Variants in CNTN5 observed in about 807,000 individuals in gnomAD.
CNTN5 encodes contactin 5.
Under a neutral mutation model 129.1 loss-of-function variants are expected in CNTN5, and 77 were observed. The observed-to-expected ratio is 0.60, with a 90% CI of 0.50 to 0.72. CNTN5 has a LOEUF of 0.72. Ranked by LOEUF, CNTN5 falls within the 30% of genes least tolerant of loss-of-function variation. The pLI, the probability that CNTN5 is intolerant of heterozygous loss-of-function variation, is 0.00. For missense variants in CNTN5, 1,478 were observed against 1,328.8 expected (o/e 1.11, Z -1.75); for synonymous variants, 509 against 465.6 (o/e 1.09, Z -1.20).
intron 9 of CNTN5, among the ~76,000 whole-genome samples, chr11:100,021,015 A>C (rs1450204027): frequency 6.6e-6 from 1 of 152,160 alleles, no homozygotes; most frequent in African/African-American, 2.4e-5. Context: ...TTACGAATTC[A>C]ATGCAGTCCC....
chr11:99,423,745 G>A (rs190188910), intron 2 of CNTN5, among the ~76,000 whole-genome samples: 71 of 152,120 alleles, frequency 4.7e-4, no homozygotes, highest in South Asian at 3.9e-3. Flanking sequence ...TTCACAACAG[G>A]TTCCCTGGTG....
intron 6 of CNTN5, among the ~76,000 whole-genome samples, chr11:99,909,967 TAAA>T (rs77199469): frequency 3.3e-5 from 5 of 151,800 alleles, no homozygotes; most frequent in Non-Finnish European, 5.9e-5. Context: ...ATAATAATAA[TAAA>T]AAAAGAATTG....
chr11:99,449,030 G>T (rs969564390), intron 2 of CNTN5, among the ~76,000 whole-genome samples: 1 of 151,970 alleles, frequency 6.6e-6, no homozygotes, highest in Non-Finnish European at 1.5e-5. Flanking sequence ...CGATTCGCCT[G>T]TCTTGGTCTC....
chr11:99,499,786 A>G (rs1946360060), intron 2 of CNTN5, among the ~76,000 whole-genome samples: 3 of 152,210 alleles, frequency 2.0e-5, no homozygotes, highest in Non-Finnish European at 4.4e-5. Flanking sequence ...TCAATTGAAC[A>G]GTTATATTTT....
intron 6 of CNTN5, among the ~76,000 whole-genome samples, chr11:99,848,872 A>T (rs1947785327): frequency 1.3e-5 from 2 of 152,142 alleles, no homozygotes; most frequent in Non-Finnish European, 2.9e-5. Flanking sequence ...ATGAGTTTTG[A>T]TTGCCTCTTT....
intron 3 of CNTN5, among the ~76,000 whole-genome samples, chr11:99,776,368 T>C (rs1945124177): frequency 6.6e-6 from 1 of 151,982 alleles, no homozygotes; most frequent in Non-Finnish European, 1.5e-5. Flanking sequence ...ATTTCAAAAT[T>C]AATACCCAAT....
chr11:100,018,328 A>C (rs12804936), intron 9 of CNTN5, among the ~76,000 whole-genome samples: 13,127 of 151,768 alleles, frequency 0.086, 683 homozygotes, highest in East Asian at 0.19. Context: ...CGCATCCTCA[A>C]CCCCAGGAAA....
intron 18 of CNTN5, among the ~76,000 whole-genome samples, chr11:100,286,101 T>C (rs1950781809): frequency 6.6e-6 from 1 of 151,450 alleles, no homozygotes; most frequent in Admixed American, 6.6e-5. Flanking sequence ...GCTGGGAGGG[T>C]CCTACGCCCA....
chr11:99,990,403 A>AT (rs1342396806), intron 8 of CNTN5, among the ~76,000 whole-genome samples: 5 of 150,710 alleles, frequency 3.3e-5, no homozygotes, highest in African/African-American at 7.4e-5. Flanking sequence ...CCAAAAAAAA[A>AT]TATTTTTAGA....
chr11:99,556,256 C>A lies in CNTN5; in HGVS notation c.42C>A (p.Thr14=). The change falls in exon 3 of 25, where the codon ACC becomes ACA. Residue 14 remains threonine, a synonymous_variant. Coordinates refer to ENST00000524871, the MANE Select transcript of CNTN5 (RefSeq NM_014361.4). ...AACTAATGCTGTTTCTGTCAGTCAC[C>A]ATGTGTCTTTCAGGTAAAAGTCCTG... is the stretch of plus-strand genomic sequence containing the variant. ...SWKLMLFLSV[T]MCLSEYSKSL... 1 of 1,525,772 alleles carries A rather than the reference C, an allele frequency of 6.6e-7. No individual in the cohort carries two copies. Among genetic ancestry groups the A allele is most frequent in the Non-Finnish European group, 8.8e-7 (1 of 1,130,130 alleles). 94.5% of individuals were successfully genotyped at this position (1,525,772 alleles called of 1,614,324 possible). A position where few individuals can be genotyped will look rare whatever the true frequency, so the allele number is the denominator to read the frequency against.
intron 16 of CNTN5, among the ~76,000 whole-genome samples, chr11:100,250,233 T>G (rs141941880): frequency 5.0e-4 from 76 of 152,116 alleles, no homozygotes; most frequent in African/African-American, 1.8e-3. Flanking sequence ...TTAACCCAAA[T>G]ATAGTTTGAT....
intron 8 of CNTN5, among the ~76,000 whole-genome samples, chr11:99,978,152 A>G (rs1309126144): frequency 6.6e-6 from 1 of 152,220 alleles, no homozygotes; most frequent in Non-Finnish European, 1.5e-5. Context: ...TGCAAAAGAT[A>G]ATAAAAATTT....
Position 99,315,934 on chromosome 11 carries a change from C to T in CNTN5, c.-209-9412C>T, listed in dbSNP as rs555039307. On this transcript the variant is annotated intron_variant, in intron 1 of 24. Transcript: ENST00000524871. Reference sequence around the variant, plus strand: ...ACAAATTATAGAGTCGATAGAATGACGCAAATTATAGAGAGGTAAATGGAT... The same window carrying T: ...ACAAATTATAGAGTCGATAGAATGATGCAAATTATAGAGAGGTAAATGGAT... 2.7e-5 allele frequency among the ~76,000 whole-genome samples: 4 copies of T among 150,086 alleles called. 1 individual carries two copies. Among genetic ancestry groups the T allele is most frequent in the Non-Finnish European group, 4.5e-5 (3 of 67,024 alleles).
At chr11:99,249,317 G>T (rs1285638207) in intron 1 of CNTN5, among the ~76,000 whole-genome samples, 2 of 152,042 alleles carry the variant, frequency 1.3e-5, no homozygotes, top group Non-Finnish European at 2.9e-5. Flanking sequence ...CATTGATTTT[G>T]TATCCTGAGA....
intron 1 of CNTN5, among the ~76,000 whole-genome samples, chr11:99,253,063 C>T (rs1862196374): frequency 6.6e-6 from 1 of 151,724 alleles, no homozygotes; most frequent in Non-Finnish European, 1.5e-5. Context: ...ACTCAAATCT[C>T]ACCTTGAATT....
intron 13 of CNTN5, among the ~76,000 whole-genome samples, chr11:100,159,217 A>T (rs1947357563): frequency 6.6e-6 from 1 of 151,898 alleles, no homozygotes; most frequent in Admixed American, 6.6e-5. Context: ...AAAAAAAGTT[A>T]AAATGGTGTG....
chr11:99,847,288 A>G (rs1591303780), intron 6 of CNTN5, among the ~76,000 whole-genome samples: 1 of 152,236 alleles, frequency 6.6e-6, no homozygotes, highest in East Asian at 1.9e-4. Context: ...GACCAAACAT[A>G]GTTGTCAAAT....
intron 2 of CNTN5, among the ~76,000 whole-genome samples, chr11:99,512,353 T>C (rs1246679138): frequency 2.0e-5 from 3 of 152,188 alleles, no homozygotes; most frequent in Non-Finnish European, 4.4e-5. Context: ...AAGCCTAGGA[T>C]TGTAGTAATC....
At chr11:99,476,396 A>G (rs1053789762) in intron 2 of CNTN5, among the ~76,000 whole-genome samples, 4 of 152,160 alleles carry the variant, frequency 2.6e-5, no homozygotes, top group African/African-American at 9.7e-5. Context: ...ATGGAAATAC[A>G]TTTCTATTCC....
Sources: gnomAD v4.1 joint callset for allele counts (sites outside exome capture counted in the v4.1 genomes callset) on GRCh38, gnomAD v4.1.1 for gene constraint, MANE v1.5 for transcripts, NCBI Gene and HGNC (gene_info 2026-07-23, HGNC 2026-07-21) for gene names.